TSHZ2: variants seen among roughly 807,000 people sequenced by gnomAD.
TSHZ2 encodes the protein teashirt homolog 2.
Under a neutral mutation model 74.4 loss-of-function variants are expected in TSHZ2, and 21 were observed. That is an observed-to-expected ratio of 0.28 (90% confidence interval 0.20 to 0.41). The LOEUF is 0.41. Ranked by LOEUF, TSHZ2 falls within the 10% of genes least tolerant of loss-of-function variation. TSHZ2 has a pLI of 1.00. For synonymous variants in TSHZ2, 540 were observed against 515.3 expected, an observed-to-expected ratio of 1.05 and a Z score of -0.65; for missense variants, 1,244 against 1,293.5, an observed-to-expected ratio of 0.96 and a Z score of 0.59.
chr20:53,408,772 A>G (rs1315643223), intron 2 of TSHZ2, among the ~76,000 whole-genome samples: 2 of 152,214 alleles, frequency 1.3e-5, no homozygotes, highest in Non-Finnish European at 2.9e-5. Context: ...TACAACCCAA[A>G]GTTAAGCTGC....
intron 2 of TSHZ2, among the ~76,000 whole-genome samples, chr20:53,472,262 C>T (rs6068556): frequency 0.42 from 63,320 of 152,022 alleles, 13,395 homozygotes; most frequent in East Asian, 0.46. Context: ...GGCAGATAGG[C>T]GCAGGCCTGA....
chr20:53,273,929 G>A (rs747615987), intron 2 of TSHZ2, among the ~76,000 whole-genome samples: 2 of 152,110 alleles, frequency 1.3e-5, no homozygotes, highest in Admixed American at 6.5e-5. Context: ...TGGACCACCC[G>A]GACTCCCAAG....
chr20:53,351,471 G>T (rs1980644245), intron 2 of TSHZ2, among the ~76,000 whole-genome samples: 1 of 152,140 alleles, frequency 6.6e-6, no homozygotes, highest in South Asian at 2.1e-4. Context: ...ACCTTCAGTA[G>T]GTTAGCTTTA....
chr20:53,231,375 T>C (rs1030929297), intron 1 of TSHZ2, among the ~76,000 whole-genome samples: 1 of 152,204 alleles, frequency 6.6e-6, no homozygotes, highest in East Asian at 1.9e-4. Flanking sequence ...CAACTGGCAA[T>C]AGATGAATTG....
chr20:53,048,782 G>T (rs1003407017), intron 1 of TSHZ2, among the ~76,000 whole-genome samples: 4 of 152,158 alleles, frequency 2.6e-5, no homozygotes, highest in African/African-American at 9.7e-5. Flanking sequence ...ATGGGATTTT[G>T]TGAGTGGGGG....
At chr20:53,149,838 T>C (rs1051102015) in intron 1 of TSHZ2, among the ~76,000 whole-genome samples, 1 of 152,228 alleles carries the variant, frequency 6.6e-6, no homozygotes, top group Non-Finnish European at 1.5e-5. Flanking sequence ...AGCATCCTGT[T>C]TGCATAAGCA....
At chr20:53,293,323 C>T (rs188299992) in intron 2 of TSHZ2, among the ~76,000 whole-genome samples, 127 of 152,182 alleles carry the variant, frequency 8.3e-4, no homozygotes, top group African/African-American at 2.8e-3. Flanking sequence ...ATTAGCCAGG[C>T]CTGGTGGTGC....
chr20:53,019,750 C>T (rs189696147), intron 1 of TSHZ2, among the ~76,000 whole-genome samples: 3 of 152,134 alleles, frequency 2.0e-5, no homozygotes, highest in Non-Finnish European at 2.9e-5. Context: ...ACAATCTACT[C>T]GTAGAATTGT....
At chr20:53,261,798 G>A (rs148498242) in intron 2 of TSHZ2, among the ~76,000 whole-genome samples, 65 of 152,276 alleles carry the variant, frequency 4.3e-4, no homozygotes, top group Admixed American at 1.4e-3. Flanking sequence ...ATCCATGAGC[G>A]ACAGGGAGTG....
intron 1 of TSHZ2, among the ~76,000 whole-genome samples, chr20:53,094,609 C>T (rs990587225): frequency 5.3e-5 from 8 of 152,332 alleles, no homozygotes; most frequent in African/African-American, 1.9e-4. Context: ...CGGTGCAGTA[C>T]ATCTGCCTGG....
At chr20:53,100,700 C>G (rs1279945725) in intron 1 of TSHZ2, among the ~76,000 whole-genome samples, 1 of 152,178 alleles carries the variant, frequency 6.6e-6, no homozygotes, top group African/African-American at 2.4e-5. Context: ...CACCCCCAAC[C>G]CTTCTCTCCT....
In TSHZ2 at chr20:53,397,165, A is replaced by G. The variant is rs552703858; in HGVS notation, c.*9-89979A>G. Among the ~76,000 whole-genome samples the G allele has an allele frequency of 7.3e-4, 111 of 152,342 alleles. 1 individual carries two copies. The highest frequency in any genetic ancestry group is 2.6e-3 in the African/African-American group (109 of 41,582). On this transcript the variant is annotated intron_variant, in intron 2 of 2. Coordinates refer to ENST00000371497, the MANE Select transcript of TSHZ2 (RefSeq NM_173485.6). Reference sequence around the variant, plus strand: ...TAAAGAGCTTCTGCACAGCAAAAGAAACTATCATCAGAGTGAACAGGCAAC... The same window carrying G: ...TAAAGAGCTTCTGCACAGCAAAAGAGACTATCATCAGAGTGAACAGGCAAC...
intron 1 of TSHZ2, among the ~76,000 whole-genome samples, chr20:53,097,011 A>T (rs759561812): frequency 2.6e-5 from 4 of 152,192 alleles, no homozygotes; most frequent in Non-Finnish European, 5.9e-5. Flanking sequence ...TTGGGGGCAG[A>T]CAATTCTCTA....
intron 1 of TSHZ2, among the ~76,000 whole-genome samples, chr20:53,065,242 TTTA>T (rs1225090592): frequency 6.6e-6 from 1 of 152,190 alleles, no homozygotes; most frequent in African/African-American, 2.4e-5. Context: ...TAGTAACTAT[TTTA>T]TTATTATTAC....
intron 2 of TSHZ2, among the ~76,000 whole-genome samples, chr20:53,318,907 T>C (rs1979134342): frequency 6.6e-6 from 1 of 152,124 alleles, no homozygotes; most frequent in Admixed American, 6.5e-5. Context: ...GGCCTCAAAA[T>C]CATGGAGAAA....
At chr20:53,156,775 T>A (rs1434845698) in intron 1 of TSHZ2, among the ~76,000 whole-genome samples, 3 of 152,238 alleles carry the variant, frequency 2.0e-5, no homozygotes, top group Admixed American at 1.3e-4. Context: ...TTTCTTAATT[T>A]TTTTTCTGGC....
chr20:53,012,778 T>C (rs893696812), intron 1 of TSHZ2, among the ~76,000 whole-genome samples: 2 of 152,178 alleles, frequency 1.3e-5, no homozygotes, highest in Non-Finnish European at 2.9e-5. Context: ...TTCTCGCTCA[T>C]GTCTCAGACT....
chr20:53,047,175 G>T (rs6068438), intron 1 of TSHZ2, among the ~76,000 whole-genome samples: 39,473 of 152,102 alleles, frequency 0.26, 9,210 homozygotes, highest in African/African-American at 0.62. Context: ...AAACAATGCC[G>T]GTTTGGCTTC....
At chr20:53,090,810 C>T (rs1985862100) in intron 1 of TSHZ2, among the ~76,000 whole-genome samples, 1 of 152,200 alleles carries the variant, frequency 6.6e-6, no homozygotes, top group Admixed American at 6.5e-5. Flanking sequence ...TGTGCACACT[C>T]CTAAGCTTCA....
Sources: allele counts gnomAD v4.1 joint callset (sites outside exome capture counted in the v4.1 genomes callset), GRCh38; gene constraint gnomAD v4.1.1; transcripts MANE v1.5; gene names NCBI Gene and HGNC (gene_info 2026-07-23, HGNC 2026-07-21).